Variants in SETBP1 observed in about 807,000 individuals in gnomAD.
The protein encoded by SETBP1 is SET-binding protein.
SETBP1 carries 9 observed loss-of-function variants against 101.0 expected under a neutral mutation model. That is an observed-to-expected ratio of 0.09 (90% CI 0.05 to 0.16). SETBP1 has a LOEUF of 0.16. Ranked by LOEUF, SETBP1 falls within the 10% of genes least tolerant of loss-of-function variation. The pLI is 1.00. For synonymous variants in SETBP1, 818 were observed against 788.5 expected (o/e 1.04, Z -0.63); for missense variants, 1,858 against 2,033.8 (o/e 0.91, Z 1.66).
chr18:44,734,928 G>A (rs2069930502), intron 2 of SETBP1, among the ~76,000 whole-genome samples: 1 of 152,148 alleles, frequency 6.6e-6, no homozygotes, highest in Non-Finnish European at 1.5e-5. Flanking sequence ...AATACAAATT[G>A]ACTCTATATG....
At chr18:44,825,939 C>A (rs1303540654) in intron 2 of SETBP1, among the ~76,000 whole-genome samples, 3 of 152,182 alleles carry the variant, frequency 2.0e-5, no homozygotes, top group South Asian at 2.1e-4. Flanking sequence ...TCTCTCTACA[C>A]CTCGATTTTC....
chr18:45,062,102 G>T (rs2073899351), intron 5 of SETBP1, among the ~76,000 whole-genome samples: 1 of 152,206 alleles, frequency 6.6e-6, no homozygotes, highest in Non-Finnish European at 1.5e-5. Flanking sequence ...AGAATGATCT[G>T]CAGGAGGAAT....
chr18:44,763,769 AAT>A (rs766081155), intron 2 of SETBP1, among the ~76,000 whole-genome samples: 4 of 152,078 alleles, frequency 2.6e-5, no homozygotes, highest in Non-Finnish European at 5.9e-5. Flanking sequence ...TCCTTTTTAA[AAT>A]ATGTTTCCCT....
At chr18:44,842,754 A>G (rs1869548658) in intron 2 of SETBP1, among the ~76,000 whole-genome samples, 1 of 152,208 alleles carries the variant, frequency 6.6e-6, no homozygotes, top group African/African-American at 2.4e-5. Context: ...CACACAGTAC[A>G]CACTTCTCTA....
intron 4 of SETBP1, among the ~76,000 whole-genome samples, chr18:45,025,606 C>T (rs1170467116): frequency 1.3e-5 from 2 of 152,094 alleles, no homozygotes; most frequent in East Asian, 1.9e-4. Context: ...TTGTATTCTA[C>T]AGGAGGAATT....
intron 4 of SETBP1, among the ~76,000 whole-genome samples, chr18:44,976,546 T>C (rs1271013305): frequency 2.0e-5 from 3 of 152,170 alleles, no homozygotes; most frequent in South Asian, 2.1e-4. Flanking sequence ...CATCCCGTGT[T>C]TGGGGCCTTA....
chr18:44,821,319 C>T (rs753095447), intron 2 of SETBP1, among the ~76,000 whole-genome samples: 4 of 152,202 alleles, frequency 2.6e-5, no homozygotes, highest in South Asian at 2.1e-4. Flanking sequence ...CTTGCTGGTG[C>T]GTCTCTTTCC....
intron 1 of SETBP1, among the ~76,000 whole-genome samples, chr18:44,694,572 A>T (rs1395590667): frequency 1.3e-5 from 2 of 152,234 alleles, no homozygotes; most frequent in East Asian, 1.9e-4. Flanking sequence ...AGATACACAC[A>T]GTGGGCTCTT....
intron 2 of SETBP1, among the ~76,000 whole-genome samples, chr18:44,782,624 G>A (rs11665106): frequency 0.43 from 66,006 of 151,888 alleles, 14,822 homozygotes; most frequent in East Asian, 0.49. Context: ...AAAAACCTGG[G>A]ATGGTTCCAA....
intron 1 of SETBP1, among the ~76,000 whole-genome samples, chr18:44,693,385 A>C (rs559275260): frequency 6.6e-6 from 1 of 152,342 alleles, no homozygotes; most frequent in South Asian, 2.1e-4. Context: ...AGAATGGCAC[A>C]AATATTTAAT....
intron 2 of SETBP1, among the ~76,000 whole-genome samples, chr18:44,762,044 C>T (rs550971490): frequency 1.7e-4 from 26 of 152,184 alleles, no homozygotes; most frequent in African/African-American, 5.3e-4. Flanking sequence ...ATATTAGGAC[C>T]GTTATGTAAT....
intron 2 of SETBP1, among the ~76,000 whole-genome samples, chr18:44,785,821 G>A (rs2071228598): frequency 6.6e-6 from 1 of 152,116 alleles, no homozygotes; most frequent in South Asian, 2.1e-4. Context: ...TTGCCACTTT[G>A]CGATTTTGCC....
intron 5 of SETBP1, among the ~76,000 whole-genome samples, chr18:45,038,925 C>T (rs2073454972): frequency 6.6e-6 from 1 of 152,182 alleles, no homozygotes; most frequent in Admixed American, 6.5e-5. Flanking sequence ...TAAATGCTAA[C>T]ATTATTAATC....
At chr18:45,054,562 G>A (rs1021877912) in intron 5 of SETBP1, among the ~76,000 whole-genome samples, 4 of 152,178 alleles carry the variant, frequency 2.6e-5, no homozygotes, top group African/African-American at 9.7e-5. Context: ...TTCATCCATG[G>A]TGGGCAACCC....
intron 1 of SETBP1, among the ~76,000 whole-genome samples, chr18:44,686,387 G>A (rs1342943517): frequency 6.6e-6 from 1 of 152,182 alleles, no homozygotes; most frequent in African/African-American, 2.4e-5. Context: ...CCACACCTCA[G>A]CTGTCTCTGT....
intron 2 of SETBP1, among the ~76,000 whole-genome samples, chr18:44,773,114 A>G (rs943924028): frequency 1.3e-5 from 2 of 152,130 alleles, no homozygotes; most frequent in African/African-American, 2.4e-5. Context: ...ACCTACTCCT[A>G]TTGAATAAGG....
At chr18:44,809,502 G>T (rs2071814364) in intron 2 of SETBP1, among the ~76,000 whole-genome samples, 1 of 152,170 alleles carries the variant, frequency 6.6e-6, no homozygotes, top group African/African-American at 2.4e-5. Flanking sequence ...CCTTGGAACT[G>T]TGAGGGGAAG....
At chr18:44,937,770 G>A (rs984338613) in intron 3 of SETBP1, among the ~76,000 whole-genome samples, 62 of 152,040 alleles carry the variant, frequency 4.1e-4, no homozygotes, top group African/African-American at 1.4e-3. Context: ...TCTGCGTTTC[G>A]GCAGATTCCC....
chr18:44,701,501 G>A lies in SETBP1; in HGVS notation c.155G>A (p.Gly52Glu), dbSNP rs375461817. The change falls in exon 2 of 6, where the codon GGA (glycine) becomes GAA (glutamate). Residue 52 changes from glycine to glutamate, a missense_variant. Physicochemically the swap from Gly to Glu is moderately conservative, Grantham distance 98. This residue lies in a region of SETBP1 where 97 missense variants were observed against 101.2 expected (regional missense o/e 0.96). Coordinates refer to ENST00000649279, the MANE Select transcript of SETBP1 (RefSeq NM_015559.3). ...PGPGKGIPVG[G>E]ERMEPEEEDE... ...CCTGGGAAGGGGATCCCGGTGGGCG[G>A]AGAGCGCATGGAGCCAGAGGAGGAG... The A allele has an allele frequency of 4.3e-6, 7 of 1,613,808 alleles. No homozygotes were observed. The African/African-American group carries it at 6.7e-5, about 15-fold the overall frequency.
Sources: gnomAD v4.1 joint callset for allele counts (sites outside exome capture counted in the v4.1 genomes callset) on GRCh38, gnomAD v4.1.1 for gene constraint, gnomAD v4.1.1 regional missense constraint, MANE v1.5 for transcripts, NCBI Gene and HGNC (gene_info 2026-07-23, HGNC 2026-07-21) for gene names.